DLC1: variants seen among roughly 807,000 people sequenced by gnomAD.
The protein encoded by DLC1 is rho GTPase-activating protein 7.
A neutral mutation model predicts 140.3 loss-of-function variants in DLC1; 54 were observed. The ratio of observed to expected loss-of-function variants is 0.38; its 90% CI spans 0.31 to 0.48. The LOEUF is 0.48. Ranked by LOEUF, DLC1 falls within the 20% of genes least tolerant of loss-of-function variation. The pLI, the probability that DLC1 is intolerant of heterozygous loss-of-function variation, is 0.96. For missense variants in DLC1, 2,536 were observed against 1,907.0 expected, an observed-to-expected ratio of 1.33 and a Z score of -6.14; for synonymous variants, 986 against 728.1, an observed-to-expected ratio of 1.35 and a Z score of -5.70.
intron 3 of DLC1, 40 bp downstream of exon 3, chr8:13,401,430 C>G (rs188527248): frequency 1.2e-6 from 2 of 1,604,108 alleles, no homozygotes; most frequent in Admixed American, 1.7e-5. Flanking sequence ...TCAAGAGTTA[C>G]GACTCCTATG....
At chr8:13,471,727 T>C (rs1458249950) in intron 2 of DLC1, among the ~76,000 whole-genome samples, 1 of 151,120 alleles carries the variant, frequency 6.6e-6, no homozygotes, top group Non-Finnish European at 1.5e-5. Context: ...AAGGGCAGGA[T>C]GAAAGGGAGG....
intron 4 of DLC1, among the ~76,000 whole-genome samples, chr8:13,389,972 A>G (rs1356274885): frequency 2.6e-5 from 4 of 152,208 alleles, no homozygotes; most frequent in Non-Finnish European, 5.9e-5. Flanking sequence ...TGGTAAAAAG[A>G]ACAGCTCTGT....
intron 2 of DLC1, among the ~76,000 whole-genome samples, chr8:13,438,667 G>T (rs289623): frequency 0.21 from 32,099 of 151,886 alleles, 4,095 homozygotes; most frequent in African/African-American, 0.36. Flanking sequence ...TCCTTCTGCC[G>T]AGGAAACGCC....
At chr8:13,466,391 T>C (rs1183212392) in intron 2 of DLC1, among the ~76,000 whole-genome samples, 1 of 152,208 alleles carries the variant, frequency 6.6e-6, no homozygotes, top group East Asian at 1.9e-4. Context: ...GCCTCCTCTG[T>C]GTCTCACTTG....
At chr8:13,333,373 G>A (rs1442169985) in intron 4 of DLC1, among the ~76,000 whole-genome samples, 1 of 151,696 alleles carries the variant, frequency 6.6e-6, no homozygotes, top group African/African-American at 2.4e-5. Flanking sequence ...CTACACCTGA[G>A]CACCACCGTG....
At chr8:13,539,735 A>G (rs950613139) in intron 1 of DLC1, among the ~76,000 whole-genome samples, 1 of 138,752 alleles carries the variant, frequency 7.2e-6, no homozygotes, top group Non-Finnish European at 1.6e-5. Context: ...ATGAGGCATT[A>G]AGAAATGTGT....
intron 4 of DLC1, among the ~76,000 whole-genome samples, chr8:13,392,024 C>G (rs1469190388): frequency 6.6e-6 from 1 of 151,964 alleles, no homozygotes; most frequent in Non-Finnish European, 1.5e-5. Context: ...CTTCCATTTT[C>G]TTATCTTAAT....
chr8:13,326,475 C>T (rs1030604886), intron 4 of DLC1, among the ~76,000 whole-genome samples: 1 of 152,124 alleles, frequency 6.6e-6, no homozygotes, highest in Non-Finnish European at 1.5e-5. Flanking sequence ...TATAGTCTTG[C>T]CACTCATAAC....
chr8:13,576,629 T>C (rs1202521512), intron 1 of DLC1, among the ~76,000 whole-genome samples: 3 of 151,850 alleles, frequency 2.0e-5, no homozygotes, highest in Non-Finnish European at 4.4e-5. Flanking sequence ...CAAATTTAAC[T>C]GGTGTGCAGG....
At chr8:13,169,197 T>A (rs1825298451) in intron 5 of DLC1, among the ~76,000 whole-genome samples, 1 of 152,222 alleles carries the variant, frequency 6.6e-6, no homozygotes, top group Admixed American at 6.5e-5. Flanking sequence ...CTTTGATTGG[T>A]TTGTTCCTTT....
At chr8:13,302,355 A>C (rs1276024712) in intron 5 of DLC1, among the ~76,000 whole-genome samples, 2 of 152,228 alleles carry the variant, frequency 1.3e-5, no homozygotes, top group African/African-American at 2.4e-5. Flanking sequence ...CTGTTCAGTA[A>C]GTATTTGTGA....
intron 2 of DLC1, 150 bp downstream of exon 2, chr8:13,498,899 G>T: frequency 2.4e-6 from 2 of 821,706 alleles, no homozygotes; most frequent in Non-Finnish European, 3.6e-6. Context: ...TTGATGGTTT[G>T]ACCAAGTGGG....
intron 5 of DLC1, among the ~76,000 whole-genome samples, chr8:13,162,350 G>A (rs1426519052): frequency 6.6e-6 from 1 of 152,098 alleles, no homozygotes; most frequent in African/African-American, 2.4e-5. Context: ...GAGATGAAGT[G>A]TTGCTCTTGG....
chr8:13,262,084 G>C (rs1285224203), intron 5 of DLC1, among the ~76,000 whole-genome samples: 1 of 152,154 alleles, frequency 6.6e-6, no homozygotes, highest in African/African-American at 2.4e-5. Context: ...CTTGGGGTAA[G>C]AGTGCTACTG....
At chr8:13,501,439 A>T (rs981601037) in intron 1 of DLC1, among the ~76,000 whole-genome samples, 7 of 152,202 alleles carry the variant, frequency 4.6e-5, no homozygotes, top group Admixed American at 6.5e-5. Context: ...CACAGAGCAG[A>T]CACTTTTAGT....
intron 5 of DLC1, chr8:13,133,219 C>G: frequency 7.0e-7 from 1 of 1,419,080 alleles, no homozygotes; most frequent in East Asian, 2.6e-5. Flanking sequence ...GCCGGCGCTC[C>G]TGATGCGGAG....
intron 5 of DLC1, among the ~76,000 whole-genome samples, chr8:13,154,989 A>C (rs1005207480): frequency 1.3e-5 from 2 of 152,186 alleles, no homozygotes; most frequent in African/African-American, 4.8e-5. Flanking sequence ...AAACTTTCGT[A>C]TATGAGGTAG....
intron 2 of DLC1, among the ~76,000 whole-genome samples, chr8:13,424,537 C>T (rs1265373742): frequency 6.6e-6 from 1 of 151,970 alleles, no homozygotes; most frequent in East Asian, 1.9e-4. Context: ...CAGTATTTGC[C>T]TTAAGATCTT....
At chr8:13,331,872 G>T (rs1016555971) in intron 4 of DLC1, among the ~76,000 whole-genome samples, 1 of 152,102 alleles carries the variant, frequency 6.6e-6, no homozygotes, top group Non-Finnish European at 1.5e-5. Context: ...GTTTTAAGTG[G>T]CTTTAATATG....
Sources: allele counts gnomAD v4.1 joint callset (sites outside exome capture counted in the v4.1 genomes callset), GRCh38; gene constraint gnomAD v4.1.1; transcripts MANE v1.5; gene names NCBI Gene and HGNC (gene_info 2026-07-23, HGNC 2026-07-21).